The following CSMD1 variants were observed in gnomAD, a reference collection of about 807,000 sequenced individuals.
CSMD1 encodes the protein CUB and Sushi multiple domains 1.
A neutral mutation model predicts 417.5 loss-of-function variants in CSMD1; 213 were observed. The observed-to-expected ratio is 0.51, with a 90% CI of 0.46 to 0.57. The LOEUF is 0.57. Ranked by LOEUF, CSMD1 falls within the 20% of genes least tolerant of loss-of-function variation. The pLI is 0.00. For synonymous variants in CSMD1, 2,862 were observed against 1,736.8 expected, an observed-to-expected ratio of 1.65 and a Z score of -16.11; for missense variants, 6,923 against 4,529.7, an observed-to-expected ratio of 1.53 and a Z score of -15.17.
chr8:3,934,746 C>T (rs929359508), intron 5 of CSMD1, among the ~76,000 whole-genome samples: 1 of 151,986 alleles, frequency 6.6e-6, no homozygotes, highest in Non-Finnish European at 1.5e-5. Flanking sequence ...ACTCGGGAGG[C>T]TGAAGCAGGA....
chr8:4,189,169 C>G lies in CSMD1; in HGVS notation c.416-157070G>C, dbSNP rs187651144. On this transcript the variant is annotated intron_variant, in intron 3 of 69. Coordinates refer to ENST00000635120, the MANE Select transcript of CSMD1 (RefSeq NM_033225.6). ...GTCATCTCTGAGTTCACAGAAGGTG[C>G]ACACACAGCACGTAAGTGCCCAGCT... is the stretch of plus-strand genomic sequence containing the variant. 1.8e-3 allele frequency among the ~76,000 whole-genome samples: 280 copies of G among 152,316 alleles called. 1 individual carries two copies. Among genetic ancestry groups the G allele is most frequent in the African/African-American group, 6.6e-3 (273 of 41,564 alleles).
In CSMD1 at chr8:3,452,356, G is replaced by T. The variant is rs1815788998; in HGVS notation, c.1561+16356C>A. Among the ~76,000 whole-genome samples, 3 of 152,264 alleles carry T rather than the reference G, an allele frequency of 2.0e-5. No individual in the cohort carries two copies. In the South Asian group the frequency reaches 6.2e-4, roughly 32 times the overall value. The stretch of plus-strand genomic sequence containing the variant: ...TGGCCAGAACATCCAACTCTATGTT[G>T]AATAGCAGTGGTGAGAGAGGGCACT... On this transcript the variant is annotated intron_variant, in intron 12 of 69. Coordinates refer to ENST00000635120, the MANE Select transcript of CSMD1 (RefSeq NM_033225.6).
At chr8:3,608,339 G>A (rs956701282) in intron 8 of CSMD1, among the ~76,000 whole-genome samples, 10 of 152,080 alleles carry the variant, frequency 6.6e-5, no homozygotes, top group African/African-American at 2.4e-4. Context: ...GCCACATTGT[G>A]GAAGAAAAGA....
At chr8:3,577,239 G>T (rs1800187884) in intron 9 of CSMD1, among the ~76,000 whole-genome samples, 1 of 151,736 alleles carries the variant, frequency 6.6e-6, no homozygotes, top group African/African-American at 2.4e-5. Flanking sequence ...TGCATCTCAT[G>T]CATCATATTT....
chr8:3,198,255 C>A (rs1036467203), intron 33 of CSMD1, among the ~76,000 whole-genome samples: 2 of 152,076 alleles, frequency 1.3e-5, no homozygotes, highest in East Asian at 3.9e-4. Flanking sequence ...AAGGAAAGCC[C>A]CTTATAAAGG....
At chr8:4,004,808 G>T (rs1047456732) in intron 4 of CSMD1, among the ~76,000 whole-genome samples, 2 of 152,062 alleles carry the variant, frequency 1.3e-5, no homozygotes, top group Admixed American at 6.6e-5. Flanking sequence ...GCAGTGGCGC[G>T]ATCTTGGCTC....
intron 5 of CSMD1, among the ~76,000 whole-genome samples, chr8:3,824,165 A>C (rs1801908398): frequency 6.6e-6 from 1 of 152,156 alleles, no homozygotes; most frequent in Admixed American, 6.5e-5. Flanking sequence ...TTCCAATGGA[A>C]ATATCTATAG....
chr8:3,517,833 G>A (rs113961300), intron 10 of CSMD1, among the ~76,000 whole-genome samples: 488 of 152,158 alleles, frequency 3.2e-3, no homozygotes, highest in Non-Finnish European at 5.7e-3. Context: ...AACACCCAAC[G>A]ACCCATCCTA....
At position 4,994,608 on chromosome 8, in the gene CSMD1, C is replaced by G. The variant is rs1418046595; in HGVS notation, c.-192G>C. 6.7e-6 allele frequency: 4 copies of G among 596,446 alleles called. No homozygotes were observed. Among genetic ancestry groups the G allele is most frequent in the Non-Finnish European group, 9.1e-6 (3 of 331,298 alleles). 36.9% of individuals were successfully genotyped at this position (596,446 alleles called of 1,614,324 possible). A position where few individuals can be genotyped will look rare whatever the true frequency, so the allele number is the denominator to read the frequency against. On this transcript the variant is annotated 5_prime_UTR_variant, in exon 1 of 70. Transcript: ENST00000635120. ...GCTTCCCTCTCATAGCATCGGGTCC[C>G]GAGCCACTGCAGGGCTGAGCTGCTC...
At chr8:4,558,510 C>G (rs887274817) in intron 2 of CSMD1, among the ~76,000 whole-genome samples, 4 of 152,252 alleles carry the variant, frequency 2.6e-5, no homozygotes, top group African/African-American at 9.6e-5. Context: ...TGGGATTCCA[C>G]TGAGCTTAAG....
chr8:4,302,851 A>G (rs1798050822), intron 3 of CSMD1, among the ~76,000 whole-genome samples: 2 of 152,138 alleles, frequency 1.3e-5, no homozygotes. Context: ...TTCCAGGACT[A>G]GCAGGCAGGA....
chr8:4,214,736 T>C (rs1419681287), intron 3 of CSMD1, among the ~76,000 whole-genome samples: 1 of 152,284 alleles, frequency 6.6e-6, no homozygotes, highest in African/African-American at 2.4e-5. Context: ...GAGAACTACA[T>C]ATTCCCATAT....
intron 55 of CSMD1, 123 bp from the exon 56 acceptor site, chr8:2,974,747 G>T: frequency 1.8e-6 from 1 of 549,510 alleles, no homozygotes; most frequent in Non-Finnish European, 2.8e-6. Context: ...TAAATATTCT[G>T]GTACTTATGT....
At chr8:3,396,427 G>A (rs1364560225) in intron 16 of CSMD1, 46 bp from the exon 17 acceptor site, 1 of 1,346,202 alleles carries the variant, frequency 7.4e-7, no homozygotes, top group Non-Finnish European at 1.0e-6. Flanking sequence ...AGAACTGCCA[G>A]CTTACAGACG....
intron 5 of CSMD1, among the ~76,000 whole-genome samples, chr8:3,894,332 G>C (rs1807203139): frequency 1.3e-5 from 2 of 152,028 alleles, no homozygotes; most frequent in South Asian, 4.2e-4. Flanking sequence ...GCTTTGCTCT[G>C]GATTTTTTCT....
Position 2,954,233 on chromosome 8 carries a change from T to G in CSMD1, c.10030A>C (p.Lys3344Gln), listed in dbSNP as rs930403089. 1.3e-6 allele frequency: 2 copies of G among 1,503,156 alleles called. No homozygotes were observed. Among genetic ancestry groups the G allele is most frequent in the African/African-American group, 2.8e-5 (2 of 71,782 alleles). The allele number at this position is 1,503,156 out of a possible 1,614,324, so 93.1% of individuals were successfully genotyped here. The part of the protein sequence containing the change: ...GVREVNETVT[K>Q]TPVPSDVFFV... ...GTTCTGGTATACAAACCTGGAGTTT[T>G]AGTAACTGTTTCATTAACTTCTCTC... Residue 3344 changes from lysine to glutamine, a missense_variant, in exon 65 of 70, where the codon AAA (lysine) becomes CAA (glutamine). By Grantham distance (53) the Lys-to-Gln change is moderately conservative. Transcript: ENST00000635120.
chr8:4,918,645 TTC>T (rs1806229733), intron 1 of CSMD1, among the ~76,000 whole-genome samples: 1 of 152,246 alleles, frequency 6.6e-6, no homozygotes, highest in Admixed American at 6.5e-5. Context: ...GATAAATCTT[TTC>T]TTTCTTGACC....
chr8:3,225,644 A>G (rs1798460108), intron 27 of CSMD1, among the ~76,000 whole-genome samples: 1 of 152,220 alleles, frequency 6.6e-6, no homozygotes, highest in African/African-American at 2.4e-5. Context: ...ACCAGCAGGA[A>G]GAGTTCAGGG....
At chr8:3,487,639 A>C (rs919945101) in intron 11 of CSMD1, among the ~76,000 whole-genome samples, 1 of 152,222 alleles carries the variant, frequency 6.6e-6, no homozygotes, top group African/African-American at 2.4e-5. Flanking sequence ...ACGTTTATCT[A>C]CTTAGAATAA....
Sources: allele counts gnomAD v4.1 joint callset (sites outside exome capture counted in the v4.1 genomes callset), GRCh38; gene constraint gnomAD v4.1.1; transcripts MANE v1.5; gene names NCBI Gene and HGNC (gene_info 2026-07-23, HGNC 2026-07-21).